The following DNAH9 variants were observed in gnomAD, a reference collection of about 807,000 sequenced individuals.
The protein encoded by DNAH9 is dynein axonemal heavy chain 9.
DNAH9 carries 345 observed loss-of-function variants against 471.6 expected under a neutral mutation model. That is an observed-to-expected ratio of 0.73 (90% CI 0.67 to 0.80). DNAH9 has a LOEUF of 0.80. Among genes scored for constraint, DNAH9 ranks in the 30% least tolerant of loss-of-function variants. The pLI, the probability that DNAH9 is intolerant of heterozygous loss-of-function variation, is 0.00. For synonymous variants in DNAH9, 2,093 were observed against 2,123.6 expected, an observed-to-expected ratio of 0.99 and a Z score of 0.40; for missense variants, 5,407 against 5,609.2, an observed-to-expected ratio of 0.96 and a Z score of 1.15.
At position 11,929,911 on chromosome 17, in the gene DNAH9, C is replaced by G. The variant is rs1342089881; in HGVS notation, c.11923C>G (p.Leu3975Val). The G allele has an allele frequency of 3.7e-6, 6 of 1,613,998 alleles. No individual in the cohort carries two copies. The highest frequency in any genetic ancestry group is 1.7e-5 in the Admixed American group (1 of 59,996). ...GTGGCTCAGCACCCTGGAGAAGAAG[C>G]TGGAGGAGCACAGTGAGAACAGCCA... ...AKWLSTLEKK[L>V]EEHSENSHPE... Residue 3975 changes from leucine to valine, a missense_variant, in exon 63 of 69, where the codon CTG becomes GTG. Coordinates refer to ENST00000262442, the MANE Select transcript of DNAH9 (RefSeq NM_001372.4).
At chr17:11,807,574 G>T (rs1487962968) in intron 43 of DNAH9, among the ~76,000 whole-genome samples, 158 bp from the exon 44 acceptor site, 1 of 152,162 alleles carries the variant, frequency 6.6e-6, no homozygotes, top group Non-Finnish European at 1.5e-5. Context: ...GGGCAAGAAG[G>T]TGAGGCCAGG....
intron 4 of DNAH9, chr17:11,612,139 T>A: frequency 1.9e-6 from 1 of 537,356 alleles, no homozygotes. Context: ...GCTGTCCCTT[T>A]GTGTCTTTCA....
chr17:11,891,525 C>T (rs1403775983), intron 57 of DNAH9, among the ~76,000 whole-genome samples: 1 of 152,146 alleles, frequency 6.6e-6, no homozygotes, highest in African/African-American at 2.4e-5. Context: ...ACCACTACAC[C>T]TGCTAATTTT....
At chr17:11,781,841 AAACAAAC>A (rs1242526822) in intron 39 of DNAH9, among the ~76,000 whole-genome samples, 3 of 145,890 alleles carry the variant, frequency 2.1e-5, no homozygotes, top group African/African-American at 5.3e-5. Context: ...TAAAAAAAAA[AAACAAAC>A]AAAAAAAAAA....
chr17:11,619,399 C>A (rs1206350544), intron 5 of DNAH9, 149 bp from the exon 6 acceptor site: 17 of 634,712 alleles, frequency 2.7e-5, no homozygotes, highest in Non-Finnish European at 4.5e-5. Context: ...AGGTCGCAGT[C>A]CACATGTGGA....
At position 11,745,317 on chromosome 17, in the gene DNAH9, G is replaced by A. The variant is rs141399131; in HGVS notation, c.6399+233G>A. Reference sequence around the variant, plus strand: ...CCTTACTTTACAGCCCTTCCATTCTGTTTGGTGTACCTCAGCCTGAATGCC... The same window carrying A: ...CCTTACTTTACAGCCCTTCCATTCTATTTGGTGTACCTCAGCCTGAATGCC... On this transcript the variant is annotated intron_variant, in intron 31 of 68. Transcript: ENST00000262442. Among the ~76,000 whole-genome samples, 642 of 152,254 alleles carry A rather than the reference G, an allele frequency of 4.2e-3. 6 individuals are homozygous for A. Among genetic ancestry groups the A allele is most frequent in the African/African-American group, 0.014 (592 of 41,540 alleles).
chr17:11,932,026 A>G lies in DNAH9; in HGVS notation c.12118A>G (p.Met4040Val). ...LDNFTQDTLEMCSRETEFKSI... is the reference protein window; with the variant it reads ...LDNFTQDTLEVCSRETEFKSI... ...ACTCTCATTTCAGGACACTCTGGAG[A>G]TGTGTTCTCGGGAGACGGAGTTTAA... is the stretch of plus-strand genomic sequence containing the variant. Residue 4040 changes from methionine to valine, a missense_variant, in exon 64 of 69, where the codon ATG (methionine) becomes GTG (valine). By Grantham distance (21) the Met-to-Val change is conservative. Coordinates refer to ENST00000262442, the MANE Select transcript of DNAH9 (RefSeq NM_001372.4). This position sits in a 1 kb window ranked among gnomAD's most constrained non-coding sequence, Gnocchi z 4.3. The G allele has an allele frequency of 6.2e-7, 1 of 1,614,082 alleles. No homozygotes were observed. Among genetic ancestry groups the G allele is most frequent in the Non-Finnish European group, 8.5e-7 (1 of 1,179,994 alleles).
At chr17:11,830,037 G>T (rs1970634290) in intron 48 of DNAH9, among the ~76,000 whole-genome samples, 1 of 152,172 alleles carries the variant, frequency 6.6e-6, no homozygotes, top group Non-Finnish European at 1.5e-5. Flanking sequence ...TCTCCTCTCT[G>T]TGGTGGACTT....
At chr17:11,704,072 G>A (rs368346298) in intron 24 of DNAH9, 131 bp from the exon 25 acceptor site, 24 of 1,012,920 alleles carry the variant, frequency 2.4e-5, no homozygotes, top group East Asian at 1.2e-4. Flanking sequence ...CTTAGTCAGT[G>A]CTGGTGGAAG....
chr17:11,875,106 A>G lies in DNAH9; in HGVS notation c.10400A>G (p.Asp3467Gly). 1 of 1,614,068 alleles carries G rather than the reference A, an allele frequency of 6.2e-7. No individual in the cohort carries two copies. Among genetic ancestry groups the G allele is most frequent in the South Asian group, 1.1e-5 (1 of 91,062 alleles). ...TGTGAGCGCTGGCCACTCATGGTTGACCCTCAGCTACAAGGCATCAAATGG... is the reference window on the plus strand; with the variant it reads ...TGTGAGCGCTGGCCACTCATGGTTGGCCCTCAGCTACAAGGCATCAAATGG... ...INCERWPLMV[D>G]PQLQGIKWIK... Residue 3467 changes from aspartate (D) to glycine (G), a missense_variant, in exon 53 of 69, where the codon GAC becomes GGC. Physicochemically the swap from Asp to Gly is moderately conservative, Grantham distance 94. Transcript: ENST00000262442.
chr17:11,765,395 A>G (rs148492714), intron 36 of DNAH9, among the ~76,000 whole-genome samples: 2 of 152,344 alleles, frequency 1.3e-5, no homozygotes, highest in African/African-American at 4.8e-5. Context: ...AGGCAAAACC[A>G]TGTTCTAGAA....
chr17:11,844,843 C>T (rs1427723907), intron 49 of DNAH9, among the ~76,000 whole-genome samples: 1 of 152,064 alleles, frequency 6.6e-6, no homozygotes, highest in East Asian at 1.9e-4. Context: ...GCCTAGGACC[C>T]AATACTGGCG....
rs762600613 is a variant in DNAH9 at position 11,619,717 on chromosome 17, A to T, written c.1286A>T (p.Asp429Val). 6.2e-7 allele frequency: 1 copy of T among 1,614,078 alleles called. No homozygotes were observed. Among genetic ancestry groups the T allele is most frequent in the Admixed American group, 1.7e-5 (1 of 60,004 alleles). ...GAGAACCAGGAAGTCAAGGAATGGG[A>T]TTTCCAGTCTTCTTTGGTCTTTGTG... ...FKENQEVKEW[D>V]FQSSLVFVRL... is the part of the protein sequence containing the mutation. Residue 429 changes from aspartate (D) to valine (V), a missense_variant, in exon 6 of 69, where the codon GAT becomes GTT. This residue lies in a region of DNAH9 where 767 missense variants were observed against 692.5 expected (regional missense o/e 1.11). Coordinates refer to ENST00000262442, the MANE Select transcript of DNAH9 (RefSeq NM_001372.4).
chr17:11,699,249 AAAAAAT>A (rs944768460), intron 22 of DNAH9, among the ~76,000 whole-genome samples: 8 of 152,124 alleles, frequency 5.3e-5, no homozygotes, highest in African/African-American at 1.7e-4. Context: ...ACTCCGTCTC[AAAAAAT>A]AAAAATAAAA....
At chr17:11,865,155 T>C (rs926287628) in intron 50 of DNAH9, among the ~76,000 whole-genome samples, 2 of 152,250 alleles carry the variant, frequency 1.3e-5, no homozygotes, top group Non-Finnish European at 2.9e-5. Flanking sequence ...TTGCAGCAGC[T>C]GGTACCGGTT....
intron 62 of DNAH9, among the ~76,000 whole-genome samples, chr17:11,929,470 T>C (rs537700992): frequency 6.6e-6 from 1 of 152,292 alleles, no homozygotes; most frequent in East Asian, 1.9e-4. Context: ...AGAATCTGTA[T>C]TTTAAGAAGC....
intron 66 of DNAH9, among the ~76,000 whole-genome samples, chr17:11,941,842 A>G (rs934778093): frequency 6.6e-6 from 1 of 152,178 alleles, no homozygotes; most frequent in Non-Finnish European, 1.5e-5. Context: ...CTGGATATAG[A>G]TAGATATTGT....
intron 11 of DNAH9, among the ~76,000 whole-genome samples, chr17:11,646,651 A>C (rs1448788893): frequency 1.3e-5 from 2 of 152,070 alleles, no homozygotes; most frequent in African/African-American, 2.4e-5. Context: ...CAGTGGCTCA[A>C]GCGTGTAATC....
At chr17:11,622,968 C>CTT (rs10551080) in intron 6 of DNAH9, among the ~76,000 whole-genome samples, 1 of 105,380 alleles carries the variant, frequency 9.5e-6, no homozygotes, top group South Asian at 3.2e-4. Flanking sequence ...TTTTCTTTTT[C>CTT]TTTTTTTTTT....
Sources: gnomAD v4.1 joint callset for allele counts (sites outside exome capture counted in the v4.1 genomes callset) on GRCh38, gnomAD v4.1.1 for gene constraint, gnomAD v4.1.1 regional missense constraint, Gnocchi (gnomAD v3.1) non-coding constraint, MANE v1.5 for transcripts, NCBI Gene and HGNC (gene_info 2026-07-23, HGNC 2026-07-21) for gene names.